Variants in ATP11A observed in about 807,000 individuals in gnomAD.
ATP11A encodes phospholipid-transporting ATPase IH.
A neutral mutation model predicts 154.4 loss-of-function variants in ATP11A; 81 were observed. The observed-to-expected ratio is 0.52, with a 90% CI of 0.44 to 0.63. The LOEUF is 0.63. Ranked by LOEUF, ATP11A falls within the 30% of genes least tolerant of loss-of-function variation. ATP11A has a pLI of 0.00. For synonymous variants in ATP11A, 623 were observed against 585.9 expected (o/e 1.06, Z -0.91); for missense variants, 1,316 against 1,474.3 (o/e 0.89, Z 1.76).
chr13:112,866,782 G>A (rs893613480), intron 25 of ATP11A, among the ~76,000 whole-genome samples: 11 of 151,160 alleles, frequency 7.3e-5, no homozygotes, highest in Admixed American at 2.7e-4. Context: ...TGCTTTAGTC[G>A]TTTTCATTCC....
intron 2 of ATP11A, among the ~76,000 whole-genome samples, chr13:112,792,925 A>G (rs1205796783): frequency 1.3e-5 from 2 of 152,224 alleles, no homozygotes; most frequent in African/African-American, 2.4e-5. Context: ...GCCTTCAAGA[A>G]AGTTGAATCC....
chr13:112,742,472 G>C (rs533323113), intron 1 of ATP11A, among the ~76,000 whole-genome samples: 2 of 152,206 alleles, frequency 1.3e-5, no homozygotes, highest in Non-Finnish European at 2.9e-5. Flanking sequence ...TATGACAGGT[G>C]CTGTCTGATT....
chr13:112,866,133 C>T (rs572659746), intron 25 of ATP11A, among the ~76,000 whole-genome samples: 1 of 152,330 alleles, frequency 6.6e-6, no homozygotes, highest in South Asian at 2.1e-4. Flanking sequence ...ACTGGCGTCC[C>T]TTCCCACCCT....
chr13:112,806,510 A>G (rs1293931015), intron 4 of ATP11A, among the ~76,000 whole-genome samples: 1 of 152,216 alleles, frequency 6.6e-6, no homozygotes, highest in Non-Finnish European at 1.5e-5. Flanking sequence ...CGAGTTCGAG[A>G]AGAAATCTGT....
chr13:112,836,220 G>A lies in ATP11A; in HGVS notation c.1674G>A (p.Arg558=). 6.2e-7 allele frequency: 1 copy of A among 1,612,244 alleles called. No individual in the cohort carries two copies. Among genetic ancestry groups the A allele is most frequent in the South Asian group, 1.1e-5 (1 of 90,642 alleles). Residue 558 remains arginine, a synonymous_variant, in exon 16 of 30, where the codon AGG becomes AGA. Transcript: ENST00000375645. The part of the protein sequence containing the change: ...LEILSFDSVR[R]RMSVIVKSAT... ...TTTTGAGTTTTGACTCAGTCAGAAGGAGAATGAGTGTAATTGTAAAATCTG... is the reference window on the plus strand; with the variant it reads ...TTTTGAGTTTTGACTCAGTCAGAAGAAGAATGAGTGTAATTGTAAAATCTG...
At chr13:112,839,932 G>T (rs761984882) in intron 16 of ATP11A, among the ~76,000 whole-genome samples, 1 of 152,216 alleles carries the variant, frequency 6.6e-6, no homozygotes, top group Non-Finnish European at 1.5e-5. Context: ...TGAAACAACA[G>T]CGTTGGCTGG....
At chr13:112,728,795 C>A (rs1890177484) in intron 1 of ATP11A, among the ~76,000 whole-genome samples, 1 of 152,140 alleles carries the variant, frequency 6.6e-6, no homozygotes, top group Non-Finnish European at 1.5e-5. Context: ...TTCTCCTTGT[C>A]TATCTTGATA....
intron 29 of ATP11A, chr13:112,880,616 T>A: frequency 7.7e-7 from 1 of 1,298,490 alleles, no homozygotes. Context: ...AAGGACCTCC[T>A]ACGGCGGCCA....
chr13:112,832,871 G>A lies in ATP11A; in HGVS notation c.1407G>A (p.Glu469=). The A allele has an allele frequency of 6.2e-7, 1 of 1,613,226 alleles. No individual in the cohort carries two copies. Among genetic ancestry groups the A allele is most frequent in the Non-Finnish European group, 8.5e-7 (1 of 1,179,336 alleles). The change falls in exon 14 of 30, where the codon GAG becomes GAA. Residue 469 remains glutamate (E), a synonymous_variant. Transcript: ENST00000375645. ...CTGCTTTTTTATAGGAGCGCGAGGA[G>A]CTGTTTTTCCGGGCCCTCTGTCTCT... is the stretch of plus-strand genomic sequence containing the variant. ...SPSVNGRERE[E]LFFRALCLCH...
intron 1 of ATP11A, among the ~76,000 whole-genome samples, chr13:112,691,989 C>T (rs553354120): frequency 3.9e-5 from 6 of 152,214 alleles, no homozygotes; most frequent in African/African-American, 1.4e-4. Flanking sequence ...TTGTGTTACT[C>T]CCTCACTGGT....
chr13:112,723,529 C>T (rs934178697), intron 1 of ATP11A, among the ~76,000 whole-genome samples: 1 of 150,682 alleles, frequency 6.6e-6, no homozygotes, highest in Non-Finnish European at 1.5e-5. Context: ...GCCTTGTCCT[C>T]CCCAAGTGCT....
chr13:112,716,330 C>T (rs1184243261), intron 1 of ATP11A, among the ~76,000 whole-genome samples: 3 of 152,216 alleles, frequency 2.0e-5, no homozygotes, highest in African/African-American at 4.8e-5. Context: ...TGTGGGAACC[C>T]GTGGGAATGC....
At chr13:112,792,639 A>G (rs2077890427) in intron 2 of ATP11A, among the ~76,000 whole-genome samples, 1 of 152,128 alleles carries the variant, frequency 6.6e-6, no homozygotes, top group African/African-American at 2.4e-5. Flanking sequence ...GTGATGATAG[A>G]GTTTGTTTCC....
At chr13:112,798,002 C>T (rs2078044543) in intron 2 of ATP11A, among the ~76,000 whole-genome samples, 1 of 152,182 alleles carries the variant, frequency 6.6e-6, no homozygotes, top group African/African-American at 2.4e-5. Context: ...TCTCTGCTTC[C>T]AAGATGGCTC....
At chr13:112,828,948 GA>G (rs1208120035) in intron 12 of ATP11A, among the ~76,000 whole-genome samples, 1 of 152,240 alleles carries the variant, frequency 6.6e-6, no homozygotes, top group Non-Finnish European at 1.5e-5. Flanking sequence ...GTCCACAACA[GA>G]AACAACCATC....
intron 1 of ATP11A, among the ~76,000 whole-genome samples, chr13:112,707,682 A>AT (rs1887300296): frequency 6.6e-6 from 1 of 152,158 alleles, no homozygotes; most frequent in Non-Finnish European, 1.5e-5. Flanking sequence ...AAAAATTGTG[A>AT]TTTTGAAGTG....
At chr13:112,865,085 G>T (rs1341305847) in intron 25 of ATP11A, among the ~76,000 whole-genome samples, 1 of 108,750 alleles carries the variant, frequency 9.2e-6, no homozygotes, top group African/African-American at 3.4e-5. Flanking sequence ...CACCACATGG[G>T]CAGTAATTCA....
intron 17 of ATP11A, among the ~76,000 whole-genome samples, chr13:112,843,624 C>T (rs1037069778): frequency 1.3e-5 from 2 of 152,160 alleles, no homozygotes; most frequent in African/African-American, 4.8e-5. Flanking sequence ...GACTAGAGGT[C>T]GTGGTACTCA....
At chr13:112,758,845 T>G (rs2076903404) in intron 1 of ATP11A, among the ~76,000 whole-genome samples, 1 of 152,222 alleles carries the variant, frequency 6.6e-6, no homozygotes, top group South Asian at 2.1e-4. Context: ...AACGGTTCAT[T>G]ACCGTGGGGT....
Sources: gnomAD v4.1 joint callset for allele counts (sites outside exome capture counted in the v4.1 genomes callset) on GRCh38, gnomAD v4.1.1 for gene constraint, MANE v1.5 for transcripts, NCBI Gene and HGNC (gene_info 2026-07-23, HGNC 2026-07-21) for gene names.